The following PRDM10 variants were observed in gnomAD, a reference collection of about 807,000 sequenced individuals.
PRDM10 encodes the protein PR/SET domain 10.
A neutral mutation model predicts 133.1 loss-of-function variants in PRDM10; 65 were observed. That is an observed-to-expected ratio of 0.49 (90% CI 0.40 to 0.60). The LOEUF (loss-of-function observed/expected upper bound fraction) is 0.60, where lower values mean the gene tolerates loss of function less well. Among genes scored for constraint, PRDM10 ranks in the 20% least tolerant of loss-of-function variants. PRDM10 has a pLI of 0.00. For missense variants in PRDM10, 1,137 were observed against 1,507.1 expected, an observed-to-expected ratio of 0.75 and a Z score of 4.07; for synonymous variants, 582 against 580.4, an observed-to-expected ratio of 1.00 and a Z score of -0.04.
At position 129,914,213 on chromosome 11, in the gene PRDM10, G is replaced by T. The variant is rs185218790; in HGVS notation, c.2841+491C>A. Among the ~76,000 whole-genome samples, 8 of 152,268 alleles carry T rather than the reference G, an allele frequency of 5.3e-5. 1 individual carries two copies. Among genetic ancestry groups the T allele is most frequent in the Admixed American group, 4.6e-4 (7 of 15,300 alleles). ...GACGAGATTTTGCCATGTTGGCCAG[G>T]CTGGTCTCGAACTCCTGACCTCAAG... is the stretch of plus-strand genomic sequence containing the variant. On this transcript the variant is annotated intron_variant, in intron 17 of 20. Transcript: ENST00000360871.
rs140648380 is a variant in PRDM10, at chr11:129,962,189, CA to C, written c.-118-1108del. On this transcript the variant is annotated intron_variant, in intron 1 of 20. Transcript: ENST00000360871. Reference sequence around the variant, plus strand: ...TGCATCTCAAAATCTTATTCCTTCCCAAAACAGGCTTTTTAAGGTAGTCAGT... The same window carrying C: ...TGCATCTCAAAATCTTATTCCTTCCCAAACAGGCTTTTTAAGGTAGTCAGT... Among the ~76,000 whole-genome samples, 447 of 152,212 alleles carry C rather than the reference CA, an allele frequency of 2.9e-3. 1 individual carries two copies. The highest frequency in any genetic ancestry group is 0.01 in the African/African-American group (424 of 41,518).
At position 129,947,657 on chromosome 11, in the gene PRDM10, C is replaced by A. The variant is rs891939997; in HGVS notation, c.295-287G>T. On this transcript the variant is annotated intron_variant, in intron 4 of 20. Coordinates refer to ENST00000360871, the MANE Select transcript of PRDM10 (RefSeq NM_199437.2). The surrounding 1 kb of genome is among the most constrained non-coding windows in gnomAD (Gnocchi z 4.6). ...GCTCAGGTGCTCCCTCCTTTGGCAGCAGTGGGAGAGTCAACACTGGCAAGG... is the reference window on the plus strand; with the variant it reads ...GCTCAGGTGCTCCCTCCTTTGGCAGAAGTGGGAGAGTCAACACTGGCAAGG... 4.1e-6 allele frequency: 4 copies of A among 963,890 alleles called. No individual in the cohort carries two copies. Among genetic ancestry groups the A allele is most frequent in the Non-Finnish European group, 5.8e-6 (4 of 688,670 alleles). 59.7% of individuals were successfully genotyped at this position (963,890 alleles called of 1,614,324 possible).
chr11:129,986,356 C>T (rs980952174), intron 1 of PRDM10, among the ~76,000 whole-genome samples: 1 of 152,130 alleles, frequency 6.6e-6, no homozygotes, highest in African/African-American at 2.4e-5. Context: ...ACTTGCTCCT[C>T]CCCACCTCTA....
chr11:129,970,605 C>A (rs904609728), intron 1 of PRDM10, among the ~76,000 whole-genome samples: 4 of 151,036 alleles, frequency 2.6e-5, no homozygotes, highest in African/African-American at 9.8e-5. Flanking sequence ...AGTGCAGTGG[C>A]ACGATCTCAG....
At chr11:129,989,300 C>A (rs1160989195) in intron 1 of PRDM10, among the ~76,000 whole-genome samples, 1 of 151,922 alleles carries the variant, frequency 6.6e-6, no homozygotes, top group Non-Finnish European at 1.5e-5. Flanking sequence ...CAAGACCCTG[C>A]CTCTGGGAGG....
At chr11:129,964,318 T>G (rs959803697) in intron 1 of PRDM10, among the ~76,000 whole-genome samples, 2 of 152,220 alleles carry the variant, frequency 1.3e-5, no homozygotes, top group Non-Finnish European at 2.9e-5. Context: ...TATTTTAATT[T>G]TATTTGTATC....
rs752190792 is a variant in PRDM10, at chr11:129,947,242, GTCCTCA to G, written c.417_422del (p.Glu142_Asp143del). The G allele has an allele frequency of 1.9e-6, 3 of 1,613,914 alleles. No individual in the cohort carries two copies. Among genetic ancestry groups the G allele is most frequent in the East Asian group, 2.2e-5 (1 of 44,866 alleles). ...CTTCCTCATCTTCCTCAGTGTCCTC[GTCCTCA>G]TCCTCATCCTCTTCCTCTTTGGCCT... On this transcript the variant is annotated inframe_deletion, in exon 5 of 21. Transcript: ENST00000360871. The surrounding 1 kb of genome is among the most constrained non-coding windows in gnomAD (Gnocchi z 4.6).
Position 129,951,152 on chromosome 11 carries a change from C to T in PRDM10, c.295-3782G>A, listed in dbSNP as rs148450434. On this transcript the variant is annotated intron_variant, in intron 4 of 20. Coordinates refer to ENST00000360871, the MANE Select transcript of PRDM10 (RefSeq NM_199437.2). ...CAAACCTTAACACACAACAGGCATG[C>T]ATTACAAATTTAATGAACCACAAAT... Among the ~76,000 whole-genome samples, 422 of 152,286 alleles carry T rather than the reference C, an allele frequency of 2.8e-3. 2 individuals carry two copies. The highest frequency in any genetic ancestry group is 1.0e-2 in the African/African-American group (414 of 41,556).
chr11:129,957,834 A>G lies in PRDM10; in HGVS notation c.146T>C (p.Val49Ala). Residue 49 changes from valine to alanine, a missense_variant, in exon 3 of 21, where the codon GTG becomes GCG. By Grantham distance (64) the Val-to-Ala change is moderately conservative (BLOSUM62 0). Transcript: ENST00000360871. ...TDDQVRPPQQ[V>A]VYTADGASYT... ...GGAGGCACCATCTGCCGTGTACACC[A>G]CCTGCTGTGGGGGGCGAACCTGGTC... 6.2e-7 allele frequency: 1 copy of G among 1,614,168 alleles called. No homozygotes were observed. Among genetic ancestry groups the G allele is most frequent in the Non-Finnish European group, 8.5e-7 (1 of 1,180,026 alleles).
intron 8 of PRDM10, among the ~76,000 whole-genome samples, chr11:129,936,668 T>A (rs73575395): frequency 0.013 from 2,028 of 151,302 alleles, 39 homozygotes; most frequent in African/African-American, 0.045. Context: ...AAAAAAAGAA[T>A]AGTGCTTTTC....
rs1331616685 is a variant in PRDM10, at chr11:129,944,900, C to T, written c.633G>A (p.Val211=). The change falls in exon 6 of 21, where the codon GTG becomes GTA. Residue 211 remains valine (V), a synonymous_variant. Coordinates refer to ENST00000360871, the MANE Select transcript of PRDM10 (RefSeq NM_199437.2). The part of the protein sequence containing the change: ...LTRARASLPL[V]LYIDRFLGGV... ...CGCCCAGAAACCTGTCTATGTAGAG[C>T]ACCAGGGGGAGGCTCGCCCTGGCCC... 6.2e-7 allele frequency: 1 copy of T among 1,614,150 alleles called. No individual in the cohort carries two copies. The highest frequency in any genetic ancestry group is 8.5e-7 in the Non-Finnish European group (1 of 1,180,028).
chr11:129,915,878 T>A lies in PRDM10; in HGVS notation c.2326-18A>T. ...TTATAAACCTGCAAATGTAAGCGCC[T>A]TGCCATGAAAGCAGTATACAGTTCC... is the stretch of plus-strand genomic sequence containing the variant. On this transcript the variant is annotated intron_variant, in intron 15 of 20. Transcript: ENST00000360871. The A allele has an allele frequency of 6.2e-7, 1 of 1,609,470 alleles. No individual in the cohort carries two copies. The highest frequency in any genetic ancestry group is 8.5e-7 in the Non-Finnish European group (1 of 1,177,724).
At chr11:129,917,392 C>G (rs1950391471) in intron 14 of PRDM10, among the ~76,000 whole-genome samples, 155 bp from the exon 15 acceptor site, 1 of 152,186 alleles carries the variant, frequency 6.6e-6, no homozygotes, top group South Asian at 2.1e-4. Context: ...GATCACCAGA[C>G]CCCATCTGAT....
At position 129,962,109 on chromosome 11, in the gene PRDM10, G is replaced by A. The variant is rs564525005; in HGVS notation, c.-118-1027C>T. 4.7e-4 allele frequency among the ~76,000 whole-genome samples: 71 copies of A among 152,278 alleles called. 1 individual carries two copies. The highest frequency in any genetic ancestry group is 6.8e-3 in the Middle Eastern group (2 of 294). On this transcript the variant is annotated intron_variant, in intron 1 of 20. Coordinates refer to ENST00000360871, the MANE Select transcript of PRDM10 (RefSeq NM_199437.2). ...CTTTTTTTCTCACATGGTCAGTGTT[G>A]GAGTGATTAGCGGCCAAATAAAAAG... is the stretch of plus-strand genomic sequence containing the variant.
Position 129,900,343 on chromosome 11 carries a change from CAAAGAA to C in PRDM10, c.*1964_*1969del, listed in dbSNP as rs1949810870. Reference sequence around the variant, plus strand: ...TAGAGTCTTTATTTCACTTAAGGACCAAAGAAGAAGAAGAAGAAGAAGAAGAAGAAG... The same window carrying C: ...TAGAGTCTTTATTTCACTTAAGGACCGAAGAAGAAGAAGAAGAAGAAGAAG... On this transcript the variant is annotated 3_prime_UTR_variant, in exon 21 of 21. Coordinates refer to ENST00000360871, the MANE Select transcript of PRDM10 (RefSeq NM_199437.2). 9.8e-6 allele frequency: 1 copy of C among 102,012 alleles called. No individual in the cohort carries two copies. Among genetic ancestry groups the C allele is most frequent in the Non-Finnish European group, 1.9e-5 (1 of 52,126 alleles). The allele number at this position is 102,012 out of a possible 1,614,324, so 6.3% of individuals were successfully genotyped here.
intron 1 of PRDM10, among the ~76,000 whole-genome samples, chr11:129,992,425 A>C (rs1938805947): frequency 6.6e-6 from 1 of 152,200 alleles, no homozygotes. Context: ...CACAGTGCTG[A>C]TAAGAGGAAT....
At chr11:129,988,600 G>GA (rs201859791) in intron 1 of PRDM10, among the ~76,000 whole-genome samples, 120 of 137,902 alleles carry the variant, frequency 8.7e-4, no homozygotes, top group Non-Finnish European at 8.0e-4. Flanking sequence ...GCTGTTCTTA[G>GA]AAAAAAAAAA....
chr11:129,902,728 A>T (rs1949881422), intron 20 of PRDM10, among the ~76,000 whole-genome samples: 1 of 152,222 alleles, frequency 6.6e-6, no homozygotes, highest in South Asian at 2.1e-4. Context: ...TAGCAGTTTC[A>T]CCAAATGATA....
Position 129,947,057 on chromosome 11 carries a change from A to C in PRDM10, c.520+88T>G. On this transcript the variant is annotated intron_variant, in intron 5 of 20. Transcript: ENST00000360871. This position sits in a 1 kb window ranked among gnomAD's most constrained non-coding sequence, Gnocchi z 4.6. Reference sequence around the variant, plus strand: ...GGCTGCACACGGAAGGACCTGACGCACGGGAGCTATGTTCACACACACGCA... The same window carrying C: ...GGCTGCACACGGAAGGACCTGACGCCCGGGAGCTATGTTCACACACACGCA... The C allele has an allele frequency of 6.5e-7, 1 of 1,538,054 alleles. No individual in the cohort carries two copies. Among genetic ancestry groups the C allele is most frequent in the Non-Finnish European group, 8.8e-7 (1 of 1,135,472 alleles).
Sources: gnomAD v4.1 joint callset for allele counts (sites outside exome capture counted in the v4.1 genomes callset) on GRCh38, gnomAD v4.1.1 for gene constraint, Gnocchi (gnomAD v3.1) non-coding constraint, MANE v1.5 for transcripts, NCBI Gene and HGNC (gene_info 2026-07-23, HGNC 2026-07-21) for gene names.